The following SLC7A5 variants were observed in gnomAD, a reference collection of about 807,000 sequenced individuals.
SLC7A5 encodes the protein large neutral amino acids transporter small subunit 1.
In SLC7A5, 23 loss-of-function variants were observed where a neutral mutation model predicts 50.2. That is an observed-to-expected ratio of 0.46 (90% CI 0.33 to 0.65). The LOEUF (loss-of-function observed/expected upper bound fraction) is 0.65, where lower values mean the gene tolerates loss of function less well. SLC7A5 is among the 30% of genes least tolerant of loss of function. The pLI is 0.02. For synonymous variants in SLC7A5, 393 were observed against 330.6 expected (o/e 1.19, Z -2.05); for missense variants, 578 against 684.4 (o/e 0.84, Z 1.73).
intron 8 of SLC7A5, among the ~76,000 whole-genome samples, chr16:87,835,809 G>C (rs530742503): frequency 6.6e-6 from 1 of 152,324 alleles, no homozygotes; most frequent in Admixed American, 6.5e-5. Flanking sequence ...GGCACCCCCG[G>C]GGCCCCCAGG....
At chr16:87,843,694 C>T (rs567576481) in intron 2 of SLC7A5, among the ~76,000 whole-genome samples, 3 of 152,246 alleles carry the variant, frequency 2.0e-5, no homozygotes, top group East Asian at 3.9e-4. Context: ...TGGGCTGTCA[C>T]GACGGCGGGG....
chr16:87,844,612 A>C (rs2055126466), intron 2 of SLC7A5, among the ~76,000 whole-genome samples: 1 of 152,192 alleles, frequency 6.6e-6, no homozygotes, highest in African/African-American at 2.4e-5. Context: ...ATGTCTCCCC[A>C]TGAACGCAGT....
At position 87,860,762 on chromosome 16, in the gene SLC7A5, C is replaced by T. The variant is rs1040118385; in HGVS notation, c.538+8123G>A. Among the ~76,000 whole-genome samples the T allele has an allele frequency of 1.3e-5, 2 of 152,202 alleles. No individual in the cohort carries two copies. Among genetic ancestry groups the T allele is most frequent in the African/African-American group, 4.8e-5 (2 of 41,452 alleles). ...GATGACTCAGCAGGGATCGAGTTTG[C>T]GGGCGTCACGCTCCAAGGCCCAGAA... On this transcript the variant is annotated intron_variant, in intron 1 of 9. Coordinates refer to ENST00000261622, the MANE Select transcript of SLC7A5 (RefSeq NM_003486.7). The surrounding 1 kb of genome is among the most constrained non-coding windows in gnomAD (Gnocchi z 4.8).
In SLC7A5 at chr16:87,841,948, G is replaced by A. The variant is rs1266009660; in HGVS notation, c.665-793C>T. Among the ~76,000 whole-genome samples, 3 of 152,240 alleles carry A rather than the reference G, an allele frequency of 2.0e-5. No homozygotes were observed. Among genetic ancestry groups the A allele is most frequent in the African/African-American group, 7.2e-5 (3 of 41,462 alleles). ...GAGGACATGTCTTTTGGGGGAAGGGGTGTCTCCGGAAGGTCACGTGGCTGC... is the reference window on the plus strand; with the variant it reads ...GAGGACATGTCTTTTGGGGGAAGGGATGTCTCCGGAAGGTCACGTGGCTGC... On this transcript the variant is annotated intron_variant, in intron 2 of 9. Transcript: ENST00000261622. This position sits in a 1 kb window ranked among gnomAD's most constrained non-coding sequence, Gnocchi z 4.8.
chr16:87,832,785 G>C lies in SLC7A5; in HGVS notation c.*185C>G, dbSNP rs1227962514. The C allele has an allele frequency of 5.3e-5, 34 of 637,922 alleles. No individual in the cohort carries two copies. Among genetic ancestry groups the C allele is most frequent in the Non-Finnish European group, 9.0e-5 (31 of 344,776 alleles). The allele number at this position is 637,922 out of a possible 1,614,324, so 39.5% of individuals were successfully genotyped here. On this transcript the variant is annotated 3_prime_UTR_variant, in exon 10 of 10. Coordinates refer to ENST00000261622, the MANE Select transcript of SLC7A5 (RefSeq NM_003486.7). The surrounding 1 kb of genome is among the most constrained non-coding windows in gnomAD (Gnocchi z 4.6). ...GGCACACCTGGGTCCCTGGCCCTCA[G>C]TTGAGGGATGAGATTCGTACCAGAG...
chr16:87,844,242 CG>C (rs1567492303), intron 2 of SLC7A5, among the ~76,000 whole-genome samples: 8 of 152,212 alleles, frequency 5.3e-5, no homozygotes, highest in South Asian at 2.1e-4. Context: ...TGAAAGCAAA[CG>C]CACAGCCAAA....
Position 87,852,101 on chromosome 16 carries a change from T to C in SLC7A5, c.539-252A>G, listed in dbSNP as rs946867476. 5.7e-4 allele frequency among the ~76,000 whole-genome samples: 87 copies of C among 152,140 alleles called. No homozygotes were observed. Among genetic ancestry groups the C allele is most frequent in the African/African-American group, 1.9e-3 (78 of 41,424 alleles). ...TGCCCCTTAAGATCTGCAAGGGACC[T>C]TTCCTCACCCCCCACCACACCAGGC... On this transcript the variant is annotated intron_variant, in intron 1 of 9. Transcript: ENST00000261622. The surrounding 1 kb of genome is among the most constrained non-coding windows in gnomAD (Gnocchi z 4.5).
rs141169425 is a variant in SLC7A5 at position 87,834,471 on chromosome 16, C to T, written c.1411G>A (p.Val471Ile). The change falls in exon 9 of 10, where the codon GTC becomes ATC. Residue 471 changes from valine to isoleucine, a missense_variant. By Grantham distance (29) the Val-to-Ile change is conservative. Transcript: ENST00000261622. ...GFTIILSGLP[V>I]YFFGVWWKNK... ...TTCCACCAGACCCCGAAGAAGTAGACGGGCAGCCCGCTGAGGATGATGGTG... is the reference window on the plus strand; with the variant it reads ...TTCCACCAGACCCCGAAGAAGTAGATGGGCAGCCCGCTGAGGATGATGGTG... 1.5e-5 allele frequency: 23 copies of T among 1,570,296 alleles called. No individual in the cohort carries two copies. The highest frequency in any genetic ancestry group is 5.8e-5 in the Admixed American group (3 of 52,024).
rs1353984705 is a variant in SLC7A5, at chr16:87,833,079, G to A, written c.1469-54C>T. 1.4e-6 allele frequency: 2 copies of A among 1,480,804 alleles called. No homozygotes were observed. Among genetic ancestry groups the A allele is most frequent in the Non-Finnish European group, 1.9e-6 (2 of 1,059,352 alleles). The allele number at this position is 1,480,804 out of a possible 1,614,324, so 91.7% of individuals were successfully genotyped here. On this transcript the variant is annotated intron_variant, in intron 9 of 9. Coordinates refer to ENST00000261622, the MANE Select transcript of SLC7A5 (RefSeq NM_003486.7). The surrounding 1 kb of genome is among the most constrained non-coding windows in gnomAD (Gnocchi z 6.0). Reference sequence around the variant, plus strand: ...CCTGGGGGCTGGGTAGGCACCCGTGGGACACGGGGGCGTGAGCTGGGGCTC... The same window carrying A: ...CCTGGGGGCTGGGTAGGCACCCGTGAGACACGGGGGCGTGAGCTGGGGCTC...
In SLC7A5 at chr16:87,836,532, C is replaced by T. The variant is rs2055005808; in HGVS notation, c.1256G>A (p.Arg419His). 7 of 1,613,042 alleles carry T rather than the reference C, an allele frequency of 4.3e-6. No homozygotes were observed. The highest frequency in any genetic ancestry group is 5.9e-6 in the Non-Finnish European group (7 of 1,180,012). ...ALAIIGMIWL[R>H]HRKPELERPI... The stretch of plus-strand genomic sequence containing the variant: ...CCGCTCAAGCTCAGGCTTTCTGTGG[C>T]GCAGCCAGATCATGCCGATGATGGC... The change falls in exon 8 of 10, where the codon CGC becomes CAC. Residue 419 changes from arginine (R) to histidine (H), a missense_variant. Coordinates refer to ENST00000261622, the MANE Select transcript of SLC7A5 (RefSeq NM_003486.7).
At chr16:87,856,965 C>T (rs928162115) in intron 1 of SLC7A5, among the ~76,000 whole-genome samples, 3 of 152,120 alleles carry the variant, frequency 2.0e-5, no homozygotes. Context: ...GGGGAGCGCC[C>T]CCAGCACAGG....
In SLC7A5 at chr16:87,852,740, T is replaced by C. The variant is rs1030988245; in HGVS notation, c.539-891A>G. Among the ~76,000 whole-genome samples the C allele has an allele frequency of 3.3e-5, 5 of 150,446 alleles. No individual in the cohort carries two copies. Among genetic ancestry groups the C allele is most frequent in the African/African-American group, 9.9e-5 (4 of 40,520 alleles). On this transcript the variant is annotated intron_variant, in intron 1 of 9. Transcript: ENST00000261622. This position sits in a 1 kb window ranked among gnomAD's most constrained non-coding sequence, Gnocchi z 4.5. ...CGCTGAGCCACTGTGTGTGTGTGCG[T>C]GTGTGTGTGTGTTTTGGGGGGTTCT... is the stretch of plus-strand genomic sequence containing the variant.
rs2055071031 is a variant in SLC7A5, at chr16:87,840,573, C to CG, written c.771-101dup. On this transcript the variant is annotated intron_variant, in intron 3 of 9. Coordinates refer to ENST00000261622, the MANE Select transcript of SLC7A5 (RefSeq NM_003486.7). ...CAGGGCAGCTGGTGAGCCTGCCCCC[C>CG]GGTGGTCTGCTCGCTGGGCTGGAAA... is the stretch of plus-strand genomic sequence containing the variant. 13 of 1,024,290 alleles carry CG rather than the reference C, an allele frequency of 1.3e-5. No homozygotes were observed. In the South Asian group the frequency reaches 1.5e-4, roughly 12 times the overall value. 63.5% of individuals were successfully genotyped at this position (1,024,290 alleles called of 1,614,324 possible).
At chr16:87,843,801 G>A (rs2055113229) in intron 2 of SLC7A5, among the ~76,000 whole-genome samples, 1 of 152,204 alleles carries the variant, frequency 6.6e-6, no homozygotes, top group Non-Finnish European at 1.5e-5. Context: ...CACGGTGGCA[G>A]AGGTGCCAGG....
intron 1 of SLC7A5, among the ~76,000 whole-genome samples, chr16:87,858,696 C>T (rs59237738): frequency 0.049 from 7,425 of 152,204 alleles, 187 homozygotes; most frequent in South Asian, 0.07. Flanking sequence ...ATTTTCAATC[C>T]CGGCTGTCAA....
At chr16:87,834,387 C>A (rs368339825) in intron 9 of SLC7A5, 27 bp downstream of exon 9, 1 of 1,550,094 alleles carries the variant, frequency 6.5e-7, no homozygotes, top group East Asian at 2.4e-5. Context: ...GAGGGTACCA[C>A]GGGCTGTGGG....
At chr16:87,836,046 C>T (rs984787057) in intron 8 of SLC7A5, among the ~76,000 whole-genome samples, 2 of 152,216 alleles carry the variant, frequency 1.3e-5, no homozygotes, top group African/African-American at 4.8e-5. Flanking sequence ...ATAACAGCTA[C>T]CCCTCTGAAT....
chr16:87,843,863 C>A (rs532186218), intron 2 of SLC7A5, among the ~76,000 whole-genome samples: 1 of 152,212 alleles, frequency 6.6e-6, no homozygotes, highest in South Asian at 2.1e-4. Context: ...CGAGCCTCTA[C>A]CCCTGCCGGG....
chr16:87,857,368 T>C (rs1319441701), intron 1 of SLC7A5, among the ~76,000 whole-genome samples: 1 of 152,150 alleles, frequency 6.6e-6, no homozygotes, highest in Non-Finnish European at 1.5e-5. Context: ...AGCCTCCGCC[T>C]CTGGGGATCA....
Sources: allele counts gnomAD v4.1 joint callset (sites outside exome capture counted in the v4.1 genomes callset), GRCh38; gene constraint gnomAD v4.1.1; non-coding constraint Gnocchi (gnomAD v3.1); transcripts MANE v1.5; gene names NCBI Gene and HGNC (gene_info 2026-07-23, HGNC 2026-07-21).